CSMD1: variants seen among roughly 807,000 people sequenced by gnomAD.
CSMD1 encodes the protein CUB and Sushi multiple domains 1, also known as CUB and sushi domain-containing protein 1.
In CSMD1, 213 loss-of-function variants were observed where a neutral mutation model predicts 417.5. The ratio of observed to expected loss-of-function variants is 0.51; its 90% CI spans 0.46 to 0.57. The LOEUF is 0.57. CSMD1 is among the 20% of genes least tolerant of loss of function. The probability of loss-of-function intolerance (pLI) is 0.00; values close to 1 mark genes in which losing one functional copy is unlikely to be tolerated. For missense variants in CSMD1, 6,923 were observed against 4,529.7 expected, an observed-to-expected ratio of 1.53 and a Z score of -15.17; for synonymous variants, 2,862 against 1,736.8, an observed-to-expected ratio of 1.65 and a Z score of -16.11.
chr8:3,169,414 A>G (rs977695225), intron 37 of CSMD1, among the ~76,000 whole-genome samples: 1 of 152,214 alleles, frequency 6.6e-6, no homozygotes, highest in Non-Finnish European at 1.5e-5. Flanking sequence ...ATAAGCCAGT[A>G]TCAAAAAAAA....
At chr8:4,955,477 A>G (rs1365653867) in intron 1 of CSMD1, among the ~76,000 whole-genome samples, 1 of 150,302 alleles carries the variant, frequency 6.7e-6, no homozygotes, top group Non-Finnish European at 1.5e-5. Context: ...TTATTGTGAG[A>G]CAGAGTCTCA....
intron 4 of CSMD1, among the ~76,000 whole-genome samples, chr8:4,024,717 G>A (rs1210882059): frequency 1.3e-5 from 2 of 152,120 alleles, no homozygotes; most frequent in Non-Finnish European, 2.9e-5. Context: ...GTGGTTCATT[G>A]GAGTTGCACA....
chr8:4,640,049 T>C (rs1297546000), intron 1 of CSMD1, among the ~76,000 whole-genome samples: 1 of 152,058 alleles, frequency 6.6e-6, no homozygotes, highest in East Asian at 1.9e-4. Flanking sequence ...GAAAAATCAG[T>C]TCAACAGAAA....
chr8:3,446,793 T>C (rs1212384916), intron 12 of CSMD1, among the ~76,000 whole-genome samples: 1 of 152,246 alleles, frequency 6.6e-6, no homozygotes, highest in Non-Finnish European at 1.5e-5. Flanking sequence ...ATGGAACCTG[T>C]TGGAAATATA....
At chr8:4,565,966 G>A (rs1196288096) in intron 2 of CSMD1, among the ~76,000 whole-genome samples, 2 of 151,334 alleles carry the variant, frequency 1.3e-5, no homozygotes, top group East Asian at 1.9e-4. Context: ...ATTATTCTCA[G>A]TATAATCTAT....
intron 5 of CSMD1, among the ~76,000 whole-genome samples, chr8:3,811,768 G>C (rs1165043980): frequency 6.6e-6 from 1 of 152,120 alleles, no homozygotes; most frequent in African/African-American, 2.4e-5. Context: ...GACAATAGCT[G>C]AGTGAGAGAT....
chr8:4,911,712 C>A (rs1585312697), intron 1 of CSMD1, among the ~76,000 whole-genome samples: 1 of 152,118 alleles, frequency 6.6e-6, no homozygotes, highest in Non-Finnish European at 1.5e-5. Flanking sequence ...CACCCAGAAA[C>A]TGAATCAACT....
At position 3,432,123 on chromosome 8, in the gene CSMD1, T is replaced by A. The variant is rs994414439; in HGVS notation, c.1562-22518A>T. Among the ~76,000 whole-genome samples, 9 of 152,208 alleles carry A rather than the reference T, an allele frequency of 5.9e-5. No individual in the cohort carries two copies. The South Asian group carries it at 1.9e-3, about 31-fold the overall frequency. On this transcript the variant is annotated intron_variant, in intron 12 of 69. Coordinates refer to ENST00000635120, the MANE Select transcript of CSMD1 (RefSeq NM_033225.6). Reference sequence around the variant, plus strand: ...AGTTGGTAGTTATCAACCAACAACTTACCAGAAAGATGACTCAGTAGATTG... The same window carrying A: ...AGTTGGTAGTTATCAACCAACAACTAACCAGAAAGATGACTCAGTAGATTG...
chr8:4,016,806 T>C (rs1796545332), intron 4 of CSMD1, among the ~76,000 whole-genome samples: 1 of 152,224 alleles, frequency 6.6e-6, no homozygotes, highest in African/African-American at 2.4e-5. Flanking sequence ...GTCGTTGTTT[T>C]ATTTGACATC....
chr8:4,328,242 ATTTTTTTT>A (rs3067534), intron 3 of CSMD1, among the ~76,000 whole-genome samples: 21 of 124,698 alleles, frequency 1.7e-4, no homozygotes, highest in African/African-American at 5.0e-4. Flanking sequence ...ACTCAATACA[ATTTTTTTT>A]TTTTTTTTTT....
chr8:3,519,721 T>G (rs1045197950), intron 10 of CSMD1, among the ~76,000 whole-genome samples: 1 of 152,158 alleles, frequency 6.6e-6, no homozygotes, highest in African/African-American at 2.4e-5. Context: ...CGCTATACAA[T>G]GGGGTTGTGT....
chr8:4,685,079 T>A (rs573519323), intron 1 of CSMD1, among the ~76,000 whole-genome samples: 1 of 152,170 alleles, frequency 6.6e-6, no homozygotes, highest in African/African-American at 2.4e-5. Flanking sequence ...ATCGAGCAAC[T>A]CCAACATATT....
At chr8:3,061,382 C>G (rs1049261032) in intron 49 of CSMD1, among the ~76,000 whole-genome samples, 3 of 152,188 alleles carry the variant, frequency 2.0e-5, no homozygotes, top group African/African-American at 7.2e-5. Context: ...AAATGAAGGT[C>G]AGCTAAAACC....
rs1009543524 is a variant in CSMD1 at position 4,164,237 on chromosome 8, G to C, written c.416-132138C>G. ...ACAAAAATATTTGAAATATACAAAAGTTAGAAAAAAACAAAATGATGTTAA... is the reference window on the plus strand; with the variant it reads ...ACAAAAATATTTGAAATATACAAAACTTAGAAAAAAACAAAATGATGTTAA... On this transcript the variant is annotated intron_variant, in intron 3 of 69. Coordinates refer to ENST00000635120, the MANE Select transcript of CSMD1 (RefSeq NM_033225.6). Among the ~76,000 whole-genome samples, 19 of 151,918 alleles carry C rather than the reference G, an allele frequency of 1.3e-4. No individual in the cohort carries two copies. The East Asian group carries it at 3.7e-3, about 29-fold the overall frequency.
intron 26 of CSMD1, among the ~76,000 whole-genome samples, chr8:3,264,484 C>T (rs142723922): frequency 8.1e-4 from 124 of 152,162 alleles, no homozygotes; most frequent in African/African-American, 2.6e-3. Flanking sequence ...ATCAGGAGGC[C>T]AAAGAGAGGG....
rs956880089 is a variant in CSMD1 at position 2,978,790 on chromosome 8, A to G, written c.8388T>C (p.Cys2796=). The G allele has an allele frequency of 6.2e-7, 1 of 1,607,566 alleles. No homozygotes were observed. The highest frequency in any genetic ancestry group is 8.5e-7 in the Non-Finnish European group (1 of 1,177,652). ...SPLPTCRVVN[C]SDPGFVENAI... ...CATTTTCCACAAAGCCTGGATCAGA[A>G]CAGTTCACCACTAGAAAATAAAACA... Residue 2796 remains cysteine (C), a synonymous_variant, in exon 55 of 70, where the codon TGT becomes TGC. Transcript: ENST00000635120.
intron 2 of CSMD1, among the ~76,000 whole-genome samples, chr8:4,435,384 G>T (rs1798094176): frequency 6.6e-6 from 1 of 152,154 alleles, no homozygotes; most frequent in Non-Finnish European, 1.5e-5. Flanking sequence ...CAGAGTTCCT[G>T]CAGTGTGATA....
At chr8:4,244,529 TTTTC>T (rs1017507701) in intron 3 of CSMD1, among the ~76,000 whole-genome samples, 3 of 151,908 alleles carry the variant, frequency 2.0e-5, no homozygotes, top group Admixed American at 6.6e-5. Context: ...TCAAATAAAA[TTTTC>T]TTTCTTTTTT....
intron 2 of CSMD1, among the ~76,000 whole-genome samples, chr8:4,541,857 T>G (rs1318125287): frequency 1.3e-5 from 2 of 152,078 alleles, no homozygotes; most frequent in African/African-American, 4.8e-5. Flanking sequence ...GTCAGCAATA[T>G]GAAATGCCAG....
Sources: gnomAD v4.1 joint callset for allele counts (sites outside exome capture counted in the v4.1 genomes callset) on GRCh38, gnomAD v4.1.1 for gene constraint, MANE v1.5 for transcripts, NCBI Gene and HGNC (gene_info 2026-07-23, HGNC 2026-07-21) for gene names.